MAPKAP1: variants seen among roughly 807,000 people sequenced by gnomAD.
MAPKAP1 encodes the protein MAPK associated protein 1.
MAPKAP1 carries 20 observed loss-of-function variants against 65.7 expected under a neutral mutation model. That is an observed-to-expected ratio of 0.30 (90% CI 0.21 to 0.44). The LOEUF (loss-of-function observed/expected upper bound fraction) is 0.44, where lower values mean the gene tolerates loss of function less well. Among genes scored for constraint, MAPKAP1 ranks in the 20% least tolerant of loss-of-function variants. MAPKAP1 has a pLI of 1.00. For synonymous variants in MAPKAP1, 222 were observed against 244.3 expected, an observed-to-expected ratio of 0.91 and a Z score of 0.85; for missense variants, 423 against 648.0, an observed-to-expected ratio of 0.65 and a Z score of 3.77.
chr9:125,558,765 A>G (rs1273972728), intron 6 of MAPKAP1, among the ~76,000 whole-genome samples: 1 of 152,224 alleles, frequency 6.6e-6, no homozygotes, highest in Non-Finnish European at 1.5e-5. Context: ...GGACATGTGG[A>G]TAAAACTCAG....
intron 1 of MAPKAP1, among the ~76,000 whole-genome samples, chr9:125,681,386 T>C (rs1834816673): frequency 6.6e-6 from 1 of 152,212 alleles, no homozygotes; most frequent in African/African-American, 2.4e-5. Flanking sequence ...AGCTCAGCCA[T>C]CTCTGTCATT....
chr9:125,488,489 C>T (rs1266236761), intron 8 of MAPKAP1, among the ~76,000 whole-genome samples: 1 of 152,218 alleles, frequency 6.6e-6, no homozygotes, highest in Non-Finnish European at 1.5e-5. Context: ...CCTCAGCCTC[C>T]CAGGTAGCTG....
intron 5 of MAPKAP1, among the ~76,000 whole-genome samples, chr9:125,568,589 T>C (rs778030751): frequency 7.2e-5 from 11 of 152,198 alleles, no homozygotes; most frequent in Non-Finnish European, 1.6e-4. Flanking sequence ...CCACCACATG[T>C]TGAAACTCTA....
In MAPKAP1 at chr9:125,464,204, TAAAAAAAAAAAAA is replaced by T. The variant is rs57497941; in HGVS notation, c.1345+3755_1345+3767del. ...CACAGTGAGACCCTGTCTCATATAT[TAAAAAAAAAAAAA>T]AAAAAAAAAAAAAAAAGACCTGTAT... On this transcript the variant is annotated intron_variant, in intron 10 of 11. Transcript: ENST00000265960. Among the ~76,000 whole-genome samples the T allele has an allele frequency of 5.4e-3, 447 of 83,338 alleles. 3 individuals carry two copies. The highest frequency in any genetic ancestry group is 0.014 in the Middle Eastern group (2 of 138). 54.7% of individuals were successfully genotyped at this position (83,338 alleles called of 152,430 possible).
intron 10 of MAPKAP1, among the ~76,000 whole-genome samples, chr9:125,457,688 G>A (rs949763570): frequency 6.6e-6 from 1 of 152,214 alleles, no homozygotes; most frequent in Non-Finnish European, 1.5e-5. Flanking sequence ...TTTTTGCAAG[G>A]ATTAGAGCAG....
intron 7 of MAPKAP1, among the ~76,000 whole-genome samples, chr9:125,529,892 C>T (rs954316592): frequency 6.6e-6 from 1 of 152,228 alleles, no homozygotes; most frequent in African/African-American, 2.4e-5. Context: ...AAGAAATGCC[C>T]TTACTGACTA....
chr9:125,558,602 G>A (rs1394807592), intron 6 of MAPKAP1, among the ~76,000 whole-genome samples: 2 of 152,182 alleles, frequency 1.3e-5, no homozygotes, highest in Non-Finnish European at 2.9e-5. Context: ...CTTTTGAGCA[G>A]TGAATTTGCT....
rs370505536 is a variant in MAPKAP1 at position 125,646,326 on chromosome 9, C to T, written c.498+11325G>A. ...CCTGTCTCTTCAAAACAAAACAAAA[C>T]AAAACAAAACAAAAAACTAATACAA... On this transcript the variant is annotated intron_variant, in intron 4 of 11. Coordinates refer to ENST00000265960, the MANE Select transcript of MAPKAP1 (RefSeq NM_001006617.3). 8.6e-5 allele frequency among the ~76,000 whole-genome samples: 13 copies of T among 152,022 alleles called. 1 individual carries two copies. In the East Asian group the frequency reaches 2.5e-3, roughly 29 times the overall value.
In MAPKAP1 at chr9:125,633,345, AT is replaced by A. The variant is rs1198072073; in HGVS notation, c.498+24305del. ...TATCACCTGGGACAAACAGGGACTA[AT>A]AAAAAGCAAGTTCTTCCTGCTGGGC... On this transcript the variant is annotated intron_variant, in intron 4 of 11. Coordinates refer to ENST00000265960, the MANE Select transcript of MAPKAP1 (RefSeq NM_001006617.3). Among the ~76,000 whole-genome samples, 3 of 152,358 alleles carry A rather than the reference AT, an allele frequency of 2.0e-5. No individual in the cohort carries two copies. In the East Asian group the frequency reaches 5.8e-4, roughly 29 times the overall value.
chr9:125,565,068 G>A (rs547701060), intron 5 of MAPKAP1, among the ~76,000 whole-genome samples: 1 of 152,306 alleles, frequency 6.6e-6, no homozygotes, highest in East Asian at 1.9e-4. Flanking sequence ...AGAGGTGGGT[G>A]TGGGGGTGTA....
At chr9:125,548,871 T>A (rs1240388618) in intron 6 of MAPKAP1, among the ~76,000 whole-genome samples, 1 of 152,176 alleles carries the variant, frequency 6.6e-6, no homozygotes, top group African/African-American at 2.4e-5. Flanking sequence ...AAGAGAAAAT[T>A]GAGGTTTGGC....
At chr9:125,657,221 A>G (rs945593640) in intron 4 of MAPKAP1, among the ~76,000 whole-genome samples, 6 of 152,152 alleles carry the variant, frequency 3.9e-5, no homozygotes, top group African/African-American at 1.4e-4. Context: ...CAACTTCTCA[A>G]GTATACTTAG....
chr9:125,627,903 C>T (rs765715982), intron 4 of MAPKAP1, among the ~76,000 whole-genome samples: 2 of 152,174 alleles, frequency 1.3e-5, no homozygotes, highest in African/African-American at 2.4e-5. Flanking sequence ...AATGAGGAGA[C>T]AGAAGCTTGG....
chr9:125,637,971 C>G (rs1216835918), intron 4 of MAPKAP1, among the ~76,000 whole-genome samples: 2 of 152,244 alleles, frequency 1.3e-5, no homozygotes, highest in Admixed American at 1.3e-4. Context: ...CGGGTTTCAC[C>G]ATGTTGGCCA....
chr9:125,645,667 G>A (rs1037052500), intron 4 of MAPKAP1, among the ~76,000 whole-genome samples: 1 of 151,310 alleles, frequency 6.6e-6, no homozygotes, highest in East Asian at 1.9e-4. Flanking sequence ...AAACTGGGAG[G>A]TGGAGGTTGC....
At chr9:125,677,075 A>G (rs1330275326) in intron 1 of MAPKAP1, among the ~76,000 whole-genome samples, 1 of 152,210 alleles carries the variant, frequency 6.6e-6, no homozygotes. Context: ...CTACACTTTC[A>G]CAAATGCTGT....
chr9:125,672,576 C>T lies in MAPKAP1; in HGVS notation c.-2G>A, dbSNP rs1297996462. On this transcript the variant is annotated 5_prime_UTR_variant, in exon 2 of 12. Coordinates refer to ENST00000265960, the MANE Select transcript of MAPKAP1 (RefSeq NM_001006617.3). ...AGTTGGATTGTCCAAGAAGGCCATC[C>T]TTTCTGTGGGCCAATTTCCTTAAAA... 1 of 1,612,950 alleles carries T rather than the reference C, an allele frequency of 6.2e-7. No individual in the cohort carries two copies. The highest frequency in any genetic ancestry group is 8.5e-7 in the Non-Finnish European group (1 of 1,178,974).
chr9:125,694,837 C>T (rs185099750), intron 1 of MAPKAP1, among the ~76,000 whole-genome samples: 4 of 152,250 alleles, frequency 2.6e-5, no homozygotes, highest in Non-Finnish European at 4.4e-5. Flanking sequence ...TATATTTGTT[C>T]TGAAGTTATT....
intron 5 of MAPKAP1, among the ~76,000 whole-genome samples, chr9:125,577,156 C>T (rs529134823): frequency 1.1e-4 from 16 of 151,240 alleles, no homozygotes; most frequent in South Asian, 1.0e-3. Flanking sequence ...ATGTGGGGAG[C>T]GCCTCTGCCC....
Sources: allele counts gnomAD v4.1 joint callset (sites outside exome capture counted in the v4.1 genomes callset), GRCh38; gene constraint gnomAD v4.1.1; transcripts MANE v1.5; gene names NCBI Gene and HGNC (gene_info 2026-07-23, HGNC 2026-07-21).